NKX3-2: variants seen among roughly 807,000 people sequenced by gnomAD.
The protein encoded by NKX3-2 is homeobox protein Nkx-3.2.
Under a neutral mutation model 19.4 loss-of-function variants are expected in NKX3-2, and 13 were observed. The observed-to-expected ratio is 0.67, with a 90% CI of 0.44 to 1.07. NKX3-2 has a LOEUF of 1.07. Among genes scored for constraint, NKX3-2 ranks in the 50% least tolerant of loss-of-function variants. The pLI is 0.00. For missense variants in NKX3-2, 562 were observed against 488.2 expected, an observed-to-expected ratio of 1.15 and a Z score of -1.42; for synonymous variants, 269 against 230.5, an observed-to-expected ratio of 1.17 and a Z score of -1.51.
At position 13,544,128 on chromosome 4, in the gene NKX3-2, G is replaced by T. The variant is rs1203839981; in HGVS notation, c.287C>A (p.Ala96Glu). ...ESPEGWDSDS[A>E]LSEENESRRR... is the part of the protein sequence containing the mutation. Reference sequence around the variant, plus strand: ...CCTGCTCTCGTTCTCCTCGCTGAGCGCGGAGTCCGAGTCCCAGCCTTCCGG... The same window carrying T: ...CCTGCTCTCGTTCTCCTCGCTGAGCTCGGAGTCCGAGTCCCAGCCTTCCGG... Residue 96 changes from alanine to glutamate, a missense_variant, in exon 1 of 2, where the codon GCG (alanine) becomes GAG (glutamate). Physicochemically the swap from Ala to Glu is moderately radical, Grantham distance 107. Coordinates refer to ENST00000382438, the MANE Select transcript of NKX3-2 (RefSeq NM_001189.4). 1.9e-6 allele frequency: 3 copies of T among 1,604,070 alleles called. No individual in the cohort carries two copies. The highest frequency in any genetic ancestry group is 1.1e-5 in the South Asian group (1 of 89,898).
In NKX3-2 at chr4:13,544,008, T is replaced by G; in HGVS notation, c.407A>C (p.Lys136Thr). Residue 136 changes from lysine to threonine, a missense_variant, in exon 1 of 2, where the codon AAA (lysine) becomes ACA (threonine). Physicochemically the swap from Lys to Thr is moderately conservative, Grantham distance 78. Transcript: ENST00000382438. ...GQPVCELAAS[K>T]DLEEEAAGRS... The stretch of plus-strand genomic sequence containing the variant: ...GCCCGCGGCTTCCTCCTCTAGGTCT[T>G]TGGAAGCGGCCAGCTCACAGACCGG... 1 of 1,568,204 alleles carries G rather than the reference T, an allele frequency of 6.4e-7. No homozygotes were observed. Among genetic ancestry groups the G allele is most frequent in the Non-Finnish European group, 8.6e-7 (1 of 1,159,628 alleles).
chr4:13,542,036 C>G lies in NKX3-2; in HGVS notation c.959G>C (p.Gly320Ala). The change falls in exon 2 of 2, where the codon GGC (glycine) becomes GCC (alanine). Residue 320 changes from glycine (G) to alanine (A), a missense_variant. Coordinates refer to ENST00000382438, the MANE Select transcript of NKX3-2 (RefSeq NM_001189.4). The surrounding 1 kb of genome is among the most constrained non-coding windows in gnomAD (Gnocchi z 6.4). ...AGCTGCGCAGGTGGAGAGCGCCCAGCCTGGGAGGCAGTAGTACGGGTAATA... is the reference window on the plus strand; with the variant it reads ...AGCTGCGCAGGTGGAGAGCGCCCAGGCTGGGAGGCAGTAGTACGGGTAATA... ...SYYYPYYCLP[G>A]WALSTCAAAA... is the part of the protein sequence containing the mutation. The G allele has an allele frequency of 6.2e-7, 1 of 1,601,416 alleles. No individual in the cohort carries two copies. Among genetic ancestry groups the G allele is most frequent in the East Asian group, 2.3e-5 (1 of 43,846 alleles).
rs1313921042 is a variant in NKX3-2, at chr4:13,541,323, C to T, written c.*670G>A. The T allele has an allele frequency of 6.6e-6, 1 of 152,128 alleles. No individual in the cohort carries two copies. Among genetic ancestry groups the T allele is most frequent in the Non-Finnish European group, 1.5e-5 (1 of 68,024 alleles). The allele number at this position is 152,128 out of a possible 1,614,324, so 9.4% of individuals were successfully genotyped here. On this transcript the variant is annotated 3_prime_UTR_variant, in exon 2 of 2. Coordinates refer to ENST00000382438, the MANE Select transcript of NKX3-2 (RefSeq NM_001189.4). ...ACTTCAGAGAAGGAAGATGTGGAGA[C>T]CCCCGGCTTGCACCACACTTGGAGG...
In NKX3-2 at chr4:13,542,760, T is replaced by G. The variant is rs1488390810; in HGVS notation, c.467-232A>C. 1.3e-5 allele frequency among the ~76,000 whole-genome samples: 2 copies of G among 152,154 alleles called. No homozygotes were observed. Among genetic ancestry groups the G allele is most frequent in the Non-Finnish European group, 2.9e-5 (2 of 68,030 alleles). On this transcript the variant is annotated intron_variant, in intron 1 of 1. Coordinates refer to ENST00000382438, the MANE Select transcript of NKX3-2 (RefSeq NM_001189.4). The surrounding 1 kb of genome is among the most constrained non-coding windows in gnomAD (Gnocchi z 6.4). ...GAGGGCGGCAGACTCAGCCGCTGTG[T>G]CAACGCTGTGTTGTCGAGACCAGCT...
At position 13,542,476 on chromosome 4, in the gene NKX3-2, G is replaced by C. The variant is rs1358853183; in HGVS notation, c.519C>G (p.His173Gln). 1 of 1,596,412 alleles carries C rather than the reference G, an allele frequency of 6.3e-7. No individual in the cohort carries two copies. Among genetic ancestry groups the C allele is most frequent in the Non-Finnish European group, 8.5e-7 (1 of 1,179,400 alleles). The change falls in exon 2 of 2, where the codon CAC becomes CAG. Residue 173 changes from histidine (H) to glutamine (Q), a missense_variant. By Grantham distance (24) the His-to-Gln change is conservative (BLOSUM62 0). Coordinates refer to ENST00000382438, the MANE Select transcript of NKX3-2 (RefSeq NM_001189.4). The surrounding 1 kb of genome is among the most constrained non-coding windows in gnomAD (Gnocchi z 6.4). ...CGGCCCCGCTGCACAGCGCGGACAC[G>C]TGTGCACCTCTGGGGCCAACACCGT... The part of the protein sequence containing the change: ...EDDGVGPRGA[H>Q]VSALCSGAGG...
chr4:13,545,772 C>T (rs979878914), upstream of NKX3-2, among the ~76,000 whole-genome samples: 2 of 151,646 alleles, frequency 1.3e-5, no homozygotes, highest in African/African-American at 4.8e-5. Context: ...TTAAATATCT[C>T]TTACTTGTGA....
chr4:13,542,588 C>T lies in NKX3-2; in HGVS notation c.467-60G>A. The stretch of plus-strand genomic sequence containing the variant: ...GTCAGCGCCACAGACGAGGTGAGGC[C>T]GGGCCTCAACTGCAGGGGTCACGGG... On this transcript the variant is annotated intron_variant, in intron 1 of 1. Coordinates refer to ENST00000382438, the MANE Select transcript of NKX3-2 (RefSeq NM_001189.4). The surrounding 1 kb of genome is among the most constrained non-coding windows in gnomAD (Gnocchi z 6.4). 2.5e-6 allele frequency: 4 copies of T among 1,579,760 alleles called. No homozygotes were observed. The highest frequency in any genetic ancestry group is 1.1e-5 in the South Asian group (1 of 90,556).
upstream of NKX3-2, chr4:13,544,530 C>T: frequency 3.5e-6 from 2 of 574,932 alleles, no homozygotes; most frequent in Non-Finnish European, 5.0e-6. Flanking sequence ...GCGAGGCCGC[C>T]GCCGCCCACT....
rs1381581503 is a variant in NKX3-2, at chr4:13,542,026, G to A, written c.969C>T (p.Leu323=). The A allele has an allele frequency of 5.6e-6, 9 of 1,597,052 alleles. No homozygotes were observed. Among genetic ancestry groups the A allele is most frequent in the Non-Finnish European group, 7.7e-6 (9 of 1,172,538 alleles). Reference sequence around the variant, plus strand: ...TGCCTGCGGCAGCTGCGCAGGTGGAGAGCGCCCAGCCTGGGAGGCAGTAGT... The same window carrying A: ...TGCCTGCGGCAGCTGCGCAGGTGGAAAGCGCCCAGCCTGGGAGGCAGTAGT... ...YPYYCLPGWA[L]STCAAAAGTQ The change falls in exon 2 of 2, where the codon CTC becomes CTT. Residue 323 remains leucine, a synonymous_variant. Transcript: ENST00000382438. The surrounding 1 kb of genome is among the most constrained non-coding windows in gnomAD (Gnocchi z 6.4).
At position 13,541,819 on chromosome 4, in the gene NKX3-2, G is replaced by A. The variant is rs1717991198; in HGVS notation, c.*174C>T. The A allele has an allele frequency of 9.7e-7, 1 of 1,026,200 alleles. No individual in the cohort carries two copies. The highest frequency in any genetic ancestry group is 1.4e-6 in the Non-Finnish European group (1 of 718,060). 63.6% of individuals were successfully genotyped at this position (1,026,200 alleles called of 1,614,324 possible). ...AAATTAGAAAAAGGCGCCCCCTCAG[G>A]GCAGACTCAGCCCAGCTGCCAGGGG... is the stretch of plus-strand genomic sequence containing the variant. On this transcript the variant is annotated 3_prime_UTR_variant, in exon 2 of 2. Transcript: ENST00000382438.
upstream of NKX3-2, chr4:13,544,549 GC>G: frequency 2.2e-6 from 1 of 450,478 alleles, no homozygotes; most frequent in Non-Finnish European, 3.5e-6. Context: ...CTGCTGCGCG[GC>G]CCAGCAGCTC....
At chr4:13,546,727 GT>G, upstream of NKX3-2, 1 of 363,408 alleles carries the variant, frequency 2.8e-6, no homozygotes, top group Admixed American at 3.5e-5. Context: ...ACTAGAGTAG[GT>G]TTGGGGCTAC....
Position 13,544,375 on chromosome 4 carries a change from T to C in NKX3-2, c.40A>G (p.Ile14Val). ...RGANTLTSFSIQAILNKKEER... is the reference protein window; with the variant it reads ...RGANTLTSFSVQAILNKKEER... ...TCTTTCTTGTTGAGGATCGCCTGGA[T>C]GGAGAAGGACGTCAAGGTGTTGGCG... Residue 14 changes from isoleucine (I) to valine (V), a missense_variant, in exon 1 of 2, where the codon ATC (isoleucine) becomes GTC (valine). Transcript: ENST00000382438. The C allele has an allele frequency of 1.3e-6, 2 of 1,551,774 alleles. No homozygotes were observed. The highest frequency in any genetic ancestry group is 1.7e-6 in the Non-Finnish European group (2 of 1,158,468).
rs912575088 is a variant in NKX3-2 at position 13,542,675 on chromosome 4, C to A, written c.467-147G>T. Reference sequence around the variant, plus strand: ...GAGCGGAGGTCTGGGAGGCCCTGGGCCCGGGAGACCAGTCTTAGACTCTTG... The same window carrying A: ...GAGCGGAGGTCTGGGAGGCCCTGGGACCGGGAGACCAGTCTTAGACTCTTG... On this transcript the variant is annotated intron_variant, in intron 1 of 1. Transcript: ENST00000382438. The surrounding 1 kb of genome is among the most constrained non-coding windows in gnomAD (Gnocchi z 6.4). The A allele has an allele frequency of 7.7e-6, 8 of 1,042,986 alleles. No homozygotes were observed. The highest frequency in any genetic ancestry group is 1.1e-5 in the Non-Finnish European group (8 of 698,098). The allele number at this position is 1,042,986 out of a possible 1,614,324, so 64.6% of individuals were successfully genotyped here.
rs1283285418 is a variant in NKX3-2 at position 13,543,089 on chromosome 4, G to A, written c.467-561C>T. On this transcript the variant is annotated intron_variant, in intron 1 of 1. Transcript: ENST00000382438. The surrounding 1 kb of genome is among the most constrained non-coding windows in gnomAD (Gnocchi z 7.1). ...TGTGAGAGACATGGAAACAGGCTGA[G>A]CCGAGGCCTTAGATGAGAGGATGGA... 2.0e-5 allele frequency among the ~76,000 whole-genome samples: 3 copies of A among 152,056 alleles called. No homozygotes were observed. The highest frequency in any genetic ancestry group is 4.4e-5 in the Non-Finnish European group (3 of 68,016).
At position 13,544,235 on chromosome 4, in the gene NKX3-2, C is replaced by G. The variant is rs1024270090; in HGVS notation, c.180G>C (p.Ala60=). Residue 60 remains alanine (A), a synonymous_variant, in exon 1 of 2, where the codon GCG becomes GCC. Coordinates refer to ENST00000382438, the MANE Select transcript of NKX3-2 (RefSeq NM_001189.4). ...CCWRLFGERD[A]GALGGAEDSL... is the part of the protein sequence containing the mutation. ...AGTCCTCGGCGCCCCCCAACGCGCCCGCGTCCCTCTCCCCAAAGAGCCGCC... is the reference window on the plus strand; with the variant it reads ...AGTCCTCGGCGCCCCCCAACGCGCCGGCGTCCCTCTCCCCAAAGAGCCGCC... 47 of 1,588,376 alleles carry G rather than the reference C, an allele frequency of 3.0e-5. No individual in the cohort carries two copies. The highest frequency in any genetic ancestry group is 3.7e-5 in the Non-Finnish European group (44 of 1,175,246).
At chr4:13,546,028 A>G (rs1193953649), upstream of NKX3-2, 1 of 152,228 alleles carries the variant, frequency 6.6e-6, no homozygotes. Context: ...TTTTCCATAA[A>G]CTTTACCAGA....
Position 13,544,346 on chromosome 4 carries a change from C to T in NKX3-2, c.69G>A (p.Glu23=). 1 of 1,539,324 alleles carries T rather than the reference C, an allele frequency of 6.5e-7. No homozygotes were observed. The highest frequency in any genetic ancestry group is 8.7e-7 in the Non-Finnish European group (1 of 1,151,176). ...SIQAILNKKE[E]RGGLAAPEGR... ...CCTCTGGCGCGGCCAGCCCGCCGCGCTCCTCTTTCTTGTTGAGGATCGCCT... is the reference window on the plus strand; with the variant it reads ...CCTCTGGCGCGGCCAGCCCGCCGCGTTCCTCTTTCTTGTTGAGGATCGCCT... Residue 23 remains glutamate (E), a synonymous_variant, in exon 1 of 2, where the codon GAG becomes GAA. Transcript: ENST00000382438.
chr4:13,544,554 G>T, upstream of NKX3-2: 1 of 429,980 alleles, frequency 2.3e-6, no homozygotes, highest in Non-Finnish European at 3.7e-6. Context: ...GCGCGGCCCA[G>T]CAGCTCCCGC....
Sources: allele counts gnomAD v4.1 joint callset (sites outside exome capture counted in the v4.1 genomes callset), GRCh38; gene constraint gnomAD v4.1.1; non-coding constraint Gnocchi (gnomAD v3.1); transcripts MANE v1.5; gene names NCBI Gene and HGNC (gene_info 2026-07-23, HGNC 2026-07-21).